NELL1: variants seen among roughly 807,000 people sequenced by gnomAD.
NELL1 encodes neural EGFL like 1.
Under a neutral mutation model 107.4 loss-of-function variants are expected in NELL1, and 76 were observed. The observed-to-expected ratio is 0.71, with a 90% CI of 0.59 to 0.86. NELL1 has a LOEUF of 0.86. NELL1 is among the 40% of genes least tolerant of loss of function. NELL1 has a pLI of 0.00. For synonymous variants in NELL1, 353 were observed against 341.2 expected (o/e 1.03, Z -0.38); for missense variants, 1,024 against 1,005.5 (o/e 1.02, Z -0.25).
chr11:20,725,943 T>A (rs1460470250), intron 2 of NELL1, among the ~76,000 whole-genome samples: 3 of 152,198 alleles, frequency 2.0e-5, no homozygotes, highest in African/African-American at 7.2e-5. Context: ...ATTGTTGCCA[T>A]CTTTATGTCC....
chr11:20,762,489 G>C (rs1283788312), intron 2 of NELL1, among the ~76,000 whole-genome samples: 1 of 152,138 alleles, frequency 6.6e-6, no homozygotes, highest in East Asian at 1.9e-4. Context: ...GCATAAAAAA[G>C]ATAAAATAGT....
In NELL1 at chr11:21,560,262, T is replaced by G. The variant is rs79912937; in HGVS notation, c.1860T>G (p.Phe620Leu). Residue 620 changes from phenylalanine (F) to leucine (L), a missense_variant, in exon 17 of 20, where the codon TTT becomes TTG. Coordinates refer to ENST00000357134, the MANE Select transcript of NELL1 (RefSeq NM_006157.5). ...CCTGCATCAACCTGGCAGGGGGCTT[T>G]GACTGTCTCTGCCCCTCTGGGCCCT... ...DSACINLAGG[F>L]DCLCPSGPSC... The G allele has an allele frequency of 6.2e-7, 1 of 1,613,662 alleles. No homozygotes were observed.
intron 15 of NELL1, among the ~76,000 whole-genome samples, chr11:21,381,904 A>ATTTGTTTTTTT (rs1851619279): frequency 1.1e-5 from 1 of 91,356 alleles, no homozygotes; most frequent in African/African-American, 4.5e-5. Context: ...CCTGGAAGGG[A>ATTTGTTTTTTT]TTTTTTTTTT....
intron 12 of NELL1, among the ~76,000 whole-genome samples, chr11:21,028,382 A>G (rs959201324): frequency 1.3e-5 from 2 of 152,038 alleles, no homozygotes; most frequent in Non-Finnish European, 2.9e-5. Flanking sequence ...GCCAGAGAAA[A>G]TCTGACCCAT....
chr11:20,982,241 T>C (rs1004905622), intron 12 of NELL1, among the ~76,000 whole-genome samples: 1 of 152,158 alleles, frequency 6.6e-6, no homozygotes, highest in Non-Finnish European at 1.5e-5. Flanking sequence ...TCACGTTCAC[T>C]CAAACCATGT....
chr11:21,300,907 C>T (rs937061720), intron 14 of NELL1, among the ~76,000 whole-genome samples: 3 of 151,840 alleles, frequency 2.0e-5, no homozygotes, highest in Non-Finnish European at 4.4e-5. Flanking sequence ...CTCCCCACCC[C>T]ACAACAGGCC....
rs768767444 is a variant in NELL1 at position 21,573,298 on chromosome 11, T to C, written c.2271T>C (p.Asp757=). The change falls in exon 19 of 20, where the codon GAT becomes GAC. Residue 757 remains aspartate (D), a synonymous_variant. Coordinates refer to ENST00000357134, the MANE Select transcript of NELL1 (RefSeq NM_006157.5). ...GTGTCAGTGACCCCTGCCTAGCTGA[T>C]AACATCACCTATGACATCAGAAAAA... The part of the protein sequence containing the change: ...PRCVSDPCLA[D]NITYDIRKTC... 2 of 1,612,428 alleles carry C rather than the reference T, an allele frequency of 1.2e-6. No homozygotes were observed. Among genetic ancestry groups the C allele is most frequent in the African/African-American group, 2.7e-5 (2 of 74,766 alleles).
chr11:21,273,750 A>G (rs1848792633), intron 14 of NELL1, among the ~76,000 whole-genome samples: 1 of 152,212 alleles, frequency 6.6e-6, no homozygotes, highest in African/African-American at 2.4e-5. Context: ...CCAATATTCA[A>G]CATTCTTAAA....
At chr11:21,545,365 C>T (rs1856415299) in intron 16 of NELL1, among the ~76,000 whole-genome samples, 1 of 151,994 alleles carries the variant, frequency 6.6e-6, no homozygotes, top group Admixed American at 6.6e-5. Flanking sequence ...TGCTGGATGA[C>T]AATTTTGTAT....
At chr11:21,228,562 T>A (rs946543306) in intron 13 of NELL1, among the ~76,000 whole-genome samples, 1 of 152,038 alleles carries the variant, frequency 6.6e-6, no homozygotes, top group Non-Finnish European at 1.5e-5. Flanking sequence ...CCTTCAAAAA[T>A]TTTTTTGGGA....
chr11:21,473,133 A>G (rs1419923301), intron 15 of NELL1, among the ~76,000 whole-genome samples: 1 of 152,062 alleles, frequency 6.6e-6, no homozygotes, highest in East Asian at 1.9e-4. Flanking sequence ...CTAGAGAATC[A>G]GGGAAGCTTC....
At chr11:20,983,727 C>G (rs1163024856) in intron 12 of NELL1, among the ~76,000 whole-genome samples, 1 of 152,118 alleles carries the variant, frequency 6.6e-6, no homozygotes, top group East Asian at 1.9e-4. Flanking sequence ...GTGGCCTCTT[C>G]ACTTCCTTCA....
Position 20,796,644 on chromosome 11 carries a change from A to G in NELL1, c.335+12814A>G, listed in dbSNP as rs117283694. Among the ~76,000 whole-genome samples the G allele has an allele frequency of 5.0e-3, 758 of 152,356 alleles. 15 individuals are homozygous for G. Among genetic ancestry groups the G allele is most frequent in the Admixed American group, 0.028 (426 of 15,306 alleles). On this transcript the variant is annotated intron_variant, in intron 3 of 19. Transcript: ENST00000357134. ...TTAGAGAGTCTTTAGAGTTAGGACT[A>G]TGATCCGAGTAGACCGTAAGCTGTC...
chr11:21,018,932 G>A (rs1380851703), intron 12 of NELL1, among the ~76,000 whole-genome samples: 1 of 151,992 alleles, frequency 6.6e-6, no homozygotes, highest in Non-Finnish European at 1.5e-5. Flanking sequence ...CCTAATGTTT[G>A]GACATCTCCC....
At chr11:21,532,359 A>T (rs1856011808) in intron 15 of NELL1, among the ~76,000 whole-genome samples, 1 of 152,198 alleles carries the variant, frequency 6.6e-6, no homozygotes, top group Non-Finnish European at 1.5e-5. Context: ...TGAATTGAAA[A>T]AGTATTTGCA....
intron 12 of NELL1, among the ~76,000 whole-genome samples, chr11:21,023,487 G>T (rs891867749): frequency 5.3e-5 from 8 of 151,920 alleles, no homozygotes; most frequent in African/African-American, 1.7e-4. Flanking sequence ...ATTTTAATTT[G>T]TGTGTGTGTG....
chr11:21,056,738 C>T (rs1392546486), intron 12 of NELL1, among the ~76,000 whole-genome samples: 1 of 152,006 alleles, frequency 6.6e-6, no homozygotes, highest in Non-Finnish European at 1.5e-5. Flanking sequence ...AACATAAATG[C>T]ACATCAAATG....
intron 15 of NELL1, chr11:21,504,049 T>C (rs1855218671): frequency 6.6e-6 from 1 of 152,174 alleles, no homozygotes; most frequent in Non-Finnish European, 1.5e-5. Flanking sequence ...CCACACAAAT[T>C]AGTGAATAAC....
intron 4 of NELL1, among the ~76,000 whole-genome samples, chr11:20,876,243 G>A (rs1449980592): frequency 6.6e-6 from 1 of 152,266 alleles, no homozygotes; most frequent in Middle Eastern, 3.4e-3. Flanking sequence ...CATCCCCATA[G>A]TCTCTCTTCC....
Sources: allele counts gnomAD v4.1 joint callset (sites outside exome capture counted in the v4.1 genomes callset), GRCh38; gene constraint gnomAD v4.1.1; transcripts MANE v1.5; gene names NCBI Gene and HGNC (gene_info 2026-07-23, HGNC 2026-07-21).